Variants in ATXN8OS observed in about 807,000 individuals in gnomAD.
ATXN8OS encodes ATXN8 opposite strand lncRNA.
intron 2 of ATXN8OS, among the ~76,000 whole-genome samples, chr13:70,126,930 A>G (rs915612641): frequency 9.9e-5 from 15 of 151,770 alleles, no homozygotes; most frequent in African/African-American, 3.4e-4. Context: ...CTGTATATCT[A>G]TATGTACCTA....
intron 4 of ATXN8OS, among the ~76,000 whole-genome samples, chr13:70,166,574 G>C (rs11617014): frequency 2.0e-5 from 3 of 151,640 alleles, no homozygotes; most frequent in Non-Finnish European, 2.9e-5. Flanking sequence ...AGAAGAAAAC[G>C]TAGGCAATAC....
chr13:70,132,586 C>T (rs1170834812), intron 3 of ATXN8OS, among the ~76,000 whole-genome samples: 1 of 151,988 alleles, frequency 6.6e-6, no homozygotes, highest in African/African-American at 2.4e-5. Flanking sequence ...AGGTAAGAAA[C>T]TTGCACATGT....
intron 3 of ATXN8OS, among the ~76,000 whole-genome samples, chr13:70,140,697 A>T (rs1888702362): frequency 6.6e-6 from 1 of 152,148 alleles, no homozygotes; most frequent in African/African-American, 2.4e-5. Flanking sequence ...TCTGCAGATG[A>T]ACTTTCTTTG....
At chr13:70,133,144 G>A (rs536933007) in intron 3 of ATXN8OS, among the ~76,000 whole-genome samples, 7 of 152,340 alleles carry the variant, frequency 4.6e-5, no homozygotes, top group East Asian at 1.9e-4. Context: ...GGAGGCTCAC[G>A]CCTGTAATCC....
At chr13:70,146,874 G>A (rs987356171) in intron 3 of ATXN8OS, among the ~76,000 whole-genome samples, 21 of 151,926 alleles carry the variant, frequency 1.4e-4, no homozygotes, top group African/African-American at 4.6e-4. Context: ...TGTAACTAAC[G>A]TGCACATTGT....
intron 4 of ATXN8OS, among the ~76,000 whole-genome samples, chr13:70,167,178 A>T (rs2137508254): frequency 6.6e-6 from 1 of 152,242 alleles, no homozygotes; most frequent in African/African-American, 2.4e-5. Context: ...ATATACCCAA[A>T]GGATTATAAA....
At position 70,112,920 on chromosome 13, in the gene ATXN8OS, A is replaced by ATATAT. The variant is rs1555298511; in HGVS notation, n.241-2220_241-2219insATATT. On this transcript the variant is annotated intron_variant and non_coding_transcript_variant, in intron 1 of 4. Transcript: ENST00000678624. ...ACTGCTGAGGGACTTTATATATATAATTTTTTTTTTTTTTTTTTTTGAGAT... is the reference window on the plus strand; with the variant it reads ...ACTGCTGAGGGACTTTATATATATAATATATTTTTTTTTTTTTTTTTTTTTGAGAT... 9.5e-4 allele frequency among the ~76,000 whole-genome samples: 83 copies of ATATAT among 87,574 alleles called. 3 individuals are homozygous for ATATAT. The highest frequency in any genetic ancestry group is 2.3e-3 in the South Asian group (6 of 2,656). 57.5% of individuals were successfully genotyped at this position (87,574 alleles called of 152,430 possible). A position where few individuals can be genotyped will look rare whatever the true frequency, so the allele number is the denominator to read the frequency against.
chr13:70,165,583 C>T (rs61964591), intron 4 of ATXN8OS, among the ~76,000 whole-genome samples: 8,273 of 151,882 alleles, frequency 0.054, 348 homozygotes, highest in Non-Finnish European at 0.086. Flanking sequence ...TAGGATTCAT[C>T]AGTGAATAAT....
At chr13:70,159,321 C>T (rs2137503790) in intron 4 of ATXN8OS, among the ~76,000 whole-genome samples, 1 of 151,724 alleles carries the variant, frequency 6.6e-6, no homozygotes, top group East Asian at 1.9e-4. Context: ...TTTATTATTG[C>T]TAGTGAGCAA....
intron 3 of ATXN8OS, among the ~76,000 whole-genome samples, chr13:70,143,126 C>T (rs938425947): frequency 2.6e-5 from 4 of 151,546 alleles, no homozygotes; most frequent in Non-Finnish European, 5.9e-5. Context: ...GTTCATGTTA[C>T]TACATTTAAT....
intron 3 of ATXN8OS, among the ~76,000 whole-genome samples, chr13:70,135,216 C>A (rs1239917144): frequency 6.6e-6 from 1 of 152,142 alleles, no homozygotes; most frequent in Non-Finnish European, 1.5e-5. Context: ...GTCACAAGGT[C>A]CCTAAGGGAA....
intron 3 of ATXN8OS, chr13:70,139,274 G>A (rs538196903): frequency 2.0e-6 from 1 of 496,020 alleles, no homozygotes; most frequent in Non-Finnish European, 3.6e-6. Context: ...TCCACGGAGA[G>A]ATTAACTCTG....
At chr13:70,165,622 C>A (rs1317836447) in intron 4 of ATXN8OS, among the ~76,000 whole-genome samples, 3 of 151,886 alleles carry the variant, frequency 2.0e-5, no homozygotes, top group African/African-American at 7.2e-5. Context: ...AGAAATCATA[C>A]ATATGAGGAA....
intron 4 of ATXN8OS, among the ~76,000 whole-genome samples, chr13:70,160,896 A>G (rs928884725): frequency 2.5e-4 from 38 of 149,366 alleles, no homozygotes; most frequent in African/African-American, 7.1e-4. Context: ...AGTGAATTCA[A>G]TATAAAATAA....
chr13:70,109,644 C>A (rs1888168881), intron 1 of ATXN8OS, among the ~76,000 whole-genome samples: 1 of 152,186 alleles, frequency 6.6e-6, no homozygotes, highest in African/African-American at 2.4e-5. Context: ...AACAGCTGGA[C>A]TGCAATCCCT....
At chr13:70,130,950 C>T (rs567701973) in intron 3 of ATXN8OS, 11 of 398,206 alleles carry the variant, frequency 2.8e-5, no homozygotes, top group East Asian at 7.1e-5. Flanking sequence ...AGGAAGATGA[C>T]GTATTTTAAT....
chr13:70,133,695 C>T (rs749372223), intron 3 of ATXN8OS, among the ~76,000 whole-genome samples: 11 of 152,126 alleles, frequency 7.2e-5, no homozygotes, highest in African/African-American at 1.4e-4. Context: ...AAGGCAGAGA[C>T]TGGAGTTGGG....
At chr13:70,140,531 C>CAAAAAA (rs745942489) in intron 3 of ATXN8OS, among the ~76,000 whole-genome samples, 1 of 22,986 alleles carries the variant, frequency 4.4e-5, no homozygotes, top group Non-Finnish European at 1.2e-4. Flanking sequence ...CACACACACA[C>CAAAAAA]ACAAAAAAAA....
intron 4 of ATXN8OS, among the ~76,000 whole-genome samples, chr13:70,166,563 T>C (rs1889078159): frequency 6.6e-6 from 1 of 152,032 alleles, no homozygotes; most frequent in Non-Finnish European, 1.5e-5. Context: ...ATAAAAACCC[T>C]AGAAGAAAAC....
Sources: allele counts gnomAD v4.1 joint callset (sites outside exome capture counted in the v4.1 genomes callset), GRCh38; gene constraint gnomAD v4.1.1; transcripts MANE v1.5; gene names NCBI Gene and HGNC (gene_info 2026-07-23, HGNC 2026-07-21).